The following ADAMTS20 variants were observed in gnomAD, a reference collection of about 807,000 sequenced individuals.
ADAMTS20 encodes the protein A disintegrin and metalloproteinase with thrombospondin motifs 20.
ADAMTS20 carries 225 observed loss-of-function variants against 260.1 expected under a neutral mutation model. The ratio of observed to expected loss-of-function variants is 0.87; its 90% CI spans 0.78 to 0.97. The LOEUF (loss-of-function observed/expected upper bound fraction) is 0.97, where lower values mean the gene tolerates loss of function less well. Among genes scored for constraint, ADAMTS20 ranks in the 50% least tolerant of loss-of-function variants. The probability of loss-of-function intolerance (pLI) is 0.00; values close to 1 mark genes in which losing one functional copy is unlikely to be tolerated. For synonymous variants in ADAMTS20, 802 were observed against 769.5 expected, an observed-to-expected ratio of 1.04 and a Z score of -0.70; for missense variants, 2,400 against 2,337.7, an observed-to-expected ratio of 1.03 and a Z score of -0.55.
intron 7 of ADAMTS20, among the ~76,000 whole-genome samples, chr12:43,472,862 G>T: frequency 6.7e-6 from 1 of 148,294 alleles, no homozygotes; most frequent in East Asian, 2.0e-4. Flanking sequence ...GGAACAACCG[G>T]TACCAGCCAC....
intron 2 of ADAMTS20, among the ~76,000 whole-genome samples, chr12:43,533,542 C>T (rs1943255171): frequency 2.1e-5 from 1 of 46,900 alleles, no homozygotes; most frequent in African/African-American, 6.7e-5. Context: ...GTGAAAATGG[C>T]CATACTGCCC....
At chr12:43,482,965 G>A (rs965340100) in intron 7 of ADAMTS20, among the ~76,000 whole-genome samples, 13 of 152,164 alleles carry the variant, frequency 8.5e-5, no homozygotes, top group African/African-American at 3.1e-4. Flanking sequence ...ACCACTGCCT[G>A]CATCAGCCTG....
intron 28 of ADAMTS20, among the ~76,000 whole-genome samples, chr12:43,415,080 A>AT (rs1317286360): frequency 1.3e-5 from 2 of 152,202 alleles, no homozygotes; most frequent in Non-Finnish European, 2.9e-5. Context: ...CGCAACGTAA[A>AT]TGAGTCTCAA....
chr12:43,386,147 A>G (rs1004497265), intron 29 of ADAMTS20, among the ~76,000 whole-genome samples: 1 of 151,988 alleles, frequency 6.6e-6, no homozygotes, highest in African/African-American at 2.4e-5. Flanking sequence ...TCAGGTCTCT[A>G]TCTCCTTTGG....
chr12:43,509,884 T>C (rs745993414), intron 3 of ADAMTS20, among the ~76,000 whole-genome samples: 3 of 152,140 alleles, frequency 2.0e-5, no homozygotes, highest in Non-Finnish European at 2.9e-5. Context: ...ATAAAATTGT[T>C]TTGGTAATAC....
At chr12:43,456,897 T>C (rs920840148) in intron 11 of ADAMTS20, among the ~76,000 whole-genome samples, 1 of 152,004 alleles carries the variant, frequency 6.6e-6, no homozygotes, top group African/African-American at 2.4e-5. Context: ...GGAACAGATA[T>C]GAATTACTGA....
intron 28 of ADAMTS20, among the ~76,000 whole-genome samples, chr12:43,416,229 G>A (rs566069650): frequency 6.5e-4 from 98 of 151,920 alleles, no homozygotes; most frequent in South Asian, 6.5e-3. Context: ...AATCATCCTC[G>A]GCTTTTGGAA....
intron 3 of ADAMTS20, among the ~76,000 whole-genome samples, chr12:43,518,203 T>A (rs1278685288): frequency 1.3e-5 from 2 of 152,134 alleles, no homozygotes; most frequent in African/African-American, 4.8e-5. Context: ...TAACTCTCCT[T>A]TATGATACCT....
chr12:43,391,960 T>A (rs1034848901), intron 29 of ADAMTS20, among the ~76,000 whole-genome samples: 2 of 152,166 alleles, frequency 1.3e-5, no homozygotes, highest in Non-Finnish European at 2.9e-5. Flanking sequence ...TTTTTGTTGT[T>A]TTACTTATGA....
At chr12:43,418,738 A>G (rs1019550687) in intron 28 of ADAMTS20, among the ~76,000 whole-genome samples, 1 of 152,234 alleles carries the variant, frequency 6.6e-6, no homozygotes, top group South Asian at 2.1e-4. Flanking sequence ...TCAAAGTTTC[A>G]CTGAGTTTTA....
At chr12:43,434,212 A>T in intron 19 of ADAMTS20, 33 bp downstream of exon 19, 9 of 1,537,878 alleles carry the variant, frequency 5.9e-6, no homozygotes, top group Non-Finnish European at 7.9e-6. Context: ...TCACTTATTA[A>T]TCTGGTTATA....
intron 4 of ADAMTS20, among the ~76,000 whole-genome samples, chr12:43,501,481 G>GCGCGCGCACACACACA (rs373746834): frequency 1.0e-4 from 12 of 117,810 alleles, no homozygotes; most frequent in African/African-American, 2.5e-4. Flanking sequence ...GCGCGCGCGC[G>GCGCGCGCACACACACA]CACACACACA....
intron 27 of ADAMTS20, among the ~76,000 whole-genome samples, chr12:43,426,552 G>A (rs1941336838): frequency 6.6e-6 from 1 of 152,246 alleles, no homozygotes; most frequent in Admixed American, 6.5e-5. Flanking sequence ...ACATTACGAA[G>A]GAGGTTAGTA....
intron 28 of ADAMTS20, among the ~76,000 whole-genome samples, chr12:43,418,837 A>G (rs1941179122): frequency 6.6e-6 from 1 of 152,204 alleles, no homozygotes; most frequent in Non-Finnish European, 1.5e-5. Context: ...TGTGAAGCAA[A>G]TTTCAATCTT....
intron 7 of ADAMTS20, among the ~76,000 whole-genome samples, chr12:43,477,174 C>G (rs1413472108): frequency 6.6e-6 from 1 of 151,520 alleles, no homozygotes; most frequent in Non-Finnish European, 1.5e-5. Context: ...TTTATGTACA[C>G]AGGAGTGGCA....
In ADAMTS20 at chr12:43,464,731, T is replaced by C; in HGVS notation, c.1369A>G (p.Thr457Ala). The C allele has an allele frequency of 1.2e-6, 2 of 1,610,436 alleles. No individual in the cohort carries two copies. Among genetic ancestry groups the C allele is most frequent in the Non-Finnish European group, 1.7e-6 (2 of 1,178,388 alleles). ...TCAAGAAGACATTCCCCGTAACCAG[T>C]ACTGTAACAGTGACAGAAAATAAAA... Reference protein sequence around the residue: ...SRKYVTEFLDTGYGECLLDKP... With the variant: ...SRKYVTEFLDAGYGECLLDKP... The change falls in exon 10 of 39, where the codon ACT (threonine) becomes GCT (alanine). Residue 457 changes from threonine (T) to alanine (A), a missense_variant and splice_region_variant. By Grantham distance (58) the Thr-to-Ala change is moderately conservative (BLOSUM62 0). Coordinates refer to ENST00000389420, the MANE Select transcript of ADAMTS20 (RefSeq NM_025003.5).
At position 43,423,761 on chromosome 12, in the gene ADAMTS20, T is replaced by C. The variant is rs1219208242; in HGVS notation, c.4284+1753A>G. Reference sequence around the variant, plus strand: ...CTGTAAACTCCATAGGGATAAGAAATATGTTTCAATTGTCTCTGGATCACA... The same window carrying C: ...CTGTAAACTCCATAGGGATAAGAAACATGTTTCAATTGTCTCTGGATCACA... On this transcript the variant is annotated intron_variant, in intron 28 of 38. Coordinates refer to ENST00000389420, the MANE Select transcript of ADAMTS20 (RefSeq NM_025003.5). 9 of 702,406 alleles carry C rather than the reference T, an allele frequency of 1.3e-5. No homozygotes were observed. The Admixed American group carries it at 1.8e-4, about 14-fold the overall frequency. The allele number at this position is 702,406 out of a possible 1,614,324, so 43.5% of individuals were successfully genotyped here.
At chr12:43,373,274 T>G (rs888175336) in intron 36 of ADAMTS20, among the ~76,000 whole-genome samples, 1 of 152,234 alleles carries the variant, frequency 6.6e-6, no homozygotes, top group Non-Finnish European at 1.5e-5. Context: ...AAATGGCAGC[T>G]TTGTTAAAAA....
Position 43,551,046 on chromosome 12 carries a change from C to T in ADAMTS20, c.316G>A (p.Glu106Lys). ...DASFLAAGYTEVHLGTPERGA... is the reference protein window; with the variant it reads ...DASFLAAGYTKVHLGTPERGA... The stretch of plus-strand genomic sequence containing the variant: ...CGCTCCGGGGTTCCCAAGTGCACCT[C>T]GGTGTAGCCGGCGGCCAGAAAGGAT... Residue 106 changes from glutamate (E) to lysine (K), a missense_variant, in exon 2 of 39, where the codon GAG becomes AAG. Glu to Lys is a moderately conservative substitution (Grantham distance 56). Coordinates refer to ENST00000389420, the MANE Select transcript of ADAMTS20 (RefSeq NM_025003.5). The surrounding 1 kb of genome is among the most constrained non-coding windows in gnomAD (Gnocchi z 4.6). The T allele has an allele frequency of 6.2e-7, 1 of 1,613,732 alleles. No individual in the cohort carries two copies. Among genetic ancestry groups the T allele is most frequent in the Non-Finnish European group, 8.5e-7 (1 of 1,179,802 alleles).
Sources: gnomAD v4.1 joint callset for allele counts (sites outside exome capture counted in the v4.1 genomes callset) on GRCh38, gnomAD v4.1.1 for gene constraint, Gnocchi (gnomAD v3.1) non-coding constraint, MANE v1.5 for transcripts, NCBI Gene and HGNC (gene_info 2026-07-23, HGNC 2026-07-21) for gene names.